TWF1: variants seen among roughly 807,000 people sequenced by gnomAD.
TWF1 encodes the protein twinfilin actin binding protein 1.
In TWF1, 14 loss-of-function variants were observed where a neutral mutation model predicts 47.9. That is an observed-to-expected ratio of 0.29 (90% CI 0.19 to 0.46). TWF1 has a LOEUF of 0.46. Ranked by LOEUF, TWF1 falls within the 20% of genes least tolerant of loss-of-function variation. The probability of loss-of-function intolerance (pLI) is 1.00; values close to 1 mark genes in which losing one functional copy is unlikely to be tolerated. For synonymous variants in TWF1, 96 were observed against 139.2 expected (o/e 0.69, Z 2.18); for missense variants, 281 against 409.3 (o/e 0.69, Z 2.70).
At chr12:43,805,308 C>CAA (rs1364668422) in intron 1 of TWF1, among the ~76,000 whole-genome samples, 1 of 151,638 alleles carries the variant, frequency 6.6e-6, no homozygotes. Flanking sequence ...ATAAATAAAA[C>CAA]AAAGTTTTCA....
At chr12:43,804,688 T>C in intron 1 of TWF1, 116 bp from the exon 2 acceptor site, 1 of 591,752 alleles carries the variant, frequency 1.7e-6, no homozygotes, top group East Asian at 3.2e-5. Context: ...GTAGCATCCT[T>C]ATTATCAGTA....
At position 43,797,287 on chromosome 12, in the gene TWF1, C is replaced by G; in HGVS notation, c.760+15G>C. On this transcript the variant is annotated intron_variant, in intron 7 of 8. Coordinates refer to ENST00000395510, the MANE Select transcript of TWF1 (RefSeq NM_002822.5). ...CAAACTGAAAGTAATGTGTTAAAAA[C>G]AATGTATCATATACCTATGGACTCT... The G allele has an allele frequency of 6.4e-7, 1 of 1,566,056 alleles. No individual in the cohort carries two copies. Among genetic ancestry groups the G allele is most frequent in the South Asian group, 1.2e-5 (1 of 82,540 alleles).
At chr12:43,796,906 C>T (rs1006487581) in intron 8 of TWF1, 70 bp downstream of exon 8, 47 of 1,428,406 alleles carry the variant, frequency 3.3e-5, no homozygotes, top group East Asian at 4.6e-5. Flanking sequence ...AATCACAGTA[C>T]ATCATAAACT....
chr12:43,800,883 T>C (rs1942648621), intron 3 of TWF1, among the ~76,000 whole-genome samples: 1 of 152,096 alleles, frequency 6.6e-6, no homozygotes, highest in Non-Finnish European at 1.5e-5. Context: ...CCCGAGTAGC[T>C]GGGATTATAG....
At chr12:43,802,145 G>A (rs1187412094) in intron 3 of TWF1, 141 bp downstream of exon 3, 7 of 503,446 alleles carry the variant, frequency 1.4e-5, no homozygotes, top group South Asian at 5.1e-5. Flanking sequence ...CTGATTCTCC[G>A]TTATCAATCC....
At position 43,802,465 on chromosome 12, in the gene TWF1, C is replaced by G. The variant is rs1260023921; in HGVS notation, c.104-1G>C. Reference sequence around the variant, plus strand: ...CTATATGATCCAATCACAAGTTGCTCTATGAAAAATTATTTTTAGAAAGAT... The same window carrying G: ...CTATATGATCCAATCACAAGTTGCTGTATGAAAAATTATTTTTAGAAAGAT... On this transcript the variant is annotated splice_acceptor_variant, in intron 2 of 8. Transcript: ENST00000395510. LOFTEE classifies it high-confidence loss of function. 6.3e-7 allele frequency: 1 copy of G among 1,599,218 alleles called. No individual in the cohort carries two copies. The highest frequency in any genetic ancestry group is 1.8e-5 in the Admixed American group (1 of 56,444).
At chr12:43,796,644 A>G (rs557650305) in intron 8 of TWF1, among the ~76,000 whole-genome samples, 1 of 152,240 alleles carries the variant, frequency 6.6e-6, no homozygotes, top group East Asian at 1.9e-4. Flanking sequence ...ACTGATGGAA[A>G]TGTCCTATAA....
chr12:43,795,653 G>A lies in TWF1; in HGVS notation c.985C>T (p.Pro329Ser), dbSNP rs1413203861. Residue 329 changes from proline to serine, a missense_variant, in exon 9 of 9, where the codon CCT (proline) becomes TCT (serine). Transcript: ENST00000395510. ...HKQSFAKPKGPAGKRGIRRLI... is the reference protein window; with the variant it reads ...HKQSFAKPKGSAGKRGIRRLI... ...CTTCGAATTCCTCTTTTTCCTGCAG[G>A]ACCTTTTGGTTTTGCAAAACTTTGC... 6.8e-6 allele frequency: 11 copies of A among 1,613,142 alleles called. No individual in the cohort carries two copies. The highest frequency in any genetic ancestry group is 8.5e-6 in the Non-Finnish European group (10 of 1,179,866).
At chr12:43,800,746 A>G (rs1467841324) in intron 3 of TWF1, among the ~76,000 whole-genome samples, 1 of 152,086 alleles carries the variant, frequency 6.6e-6, no homozygotes, top group Non-Finnish European at 1.5e-5. Flanking sequence ...TTCAATTTAC[A>G]ATGTCACTTT....
intron 3 of TWF1, 71 bp downstream of exon 3, chr12:43,802,215 A>G (rs1565701433): frequency 9.5e-7 from 1 of 1,054,178 alleles, no homozygotes; most frequent in Non-Finnish European, 1.3e-6. Context: ...TTTAACCTTT[A>G]TTTGACCTAG....
intron 5 of TWF1, 29 bp from the exon 6 acceptor site, chr12:43,797,862 T>C (rs1417333239): frequency 6.2e-7 from 1 of 1,604,274 alleles, no homozygotes; most frequent in East Asian, 2.2e-5. Context: ...ATTTACAAGT[T>C]TAGCAGTTAG....
At position 43,794,174 on chromosome 12, in the gene TWF1, T is replaced by C. The variant is rs963986902; in HGVS notation, c.*1411A>G. The C allele has an allele frequency of 2.0e-5, 3 of 152,628 alleles. No homozygotes were observed. The highest frequency in any genetic ancestry group is 7.2e-5 in the African/African-American group (3 of 41,454). The allele number at this position is 152,628 out of a possible 1,614,324, so 9.5% of individuals were successfully genotyped here. A position where few individuals can be genotyped will look rare whatever the true frequency, so the allele number is the denominator to read the frequency against. On this transcript the variant is annotated 3_prime_UTR_variant, in exon 9 of 9. Coordinates refer to ENST00000395510, the MANE Select transcript of TWF1 (RefSeq NM_002822.5). Reference sequence around the variant, plus strand: ...GTGTGTCTGTCTACGTGTACACCCATGGAACAACTTATATCTTTAGTAAAC... The same window carrying C: ...GTGTGTCTGTCTACGTGTACACCCACGGAACAACTTATATCTTTAGTAAAC...
chr12:43,805,178 T>A (rs1010811151), intron 1 of TWF1, among the ~76,000 whole-genome samples: 5 of 152,262 alleles, frequency 3.3e-5, no homozygotes, highest in African/African-American at 9.6e-5. Context: ...AATTTCGTTC[T>A]AATTTCGTTC....
intron 2 of TWF1, among the ~76,000 whole-genome samples, chr12:43,803,983 T>C (rs1300461881): frequency 6.6e-6 from 1 of 152,160 alleles, no homozygotes; most frequent in Non-Finnish European, 1.5e-5. Flanking sequence ...TTTACAGAAT[T>C]ATTTTTAAAG....
intron 2 of TWF1, among the ~76,000 whole-genome samples, chr12:43,803,413 G>A (rs1942698573): frequency 1.3e-5 from 2 of 152,092 alleles, no homozygotes; most frequent in African/African-American, 2.4e-5. Context: ...TTTCTAAAAT[G>A]CTTGAAGTAA....
Position 43,806,219 on chromosome 12 carries a change from A to G in TWF1, c.25+2T>C, listed in dbSNP as rs1431424803. ...CCTGCGAGTCGCGCCGGGCGCTGTTACCTTGGATGCCGGTCTGGTGGGACA... is the reference window on the plus strand; with the variant it reads ...CCTGCGAGTCGCGCCGGGCGCTGTTGCCTTGGATGCCGGTCTGGTGGGACA... On this transcript the variant is annotated splice_donor_variant, in intron 1 of 8. Coordinates refer to ENST00000395510, the MANE Select transcript of TWF1 (RefSeq NM_002822.5). LOFTEE classifies it high-confidence loss of function. 6.5e-7 allele frequency: 1 copy of G among 1,540,196 alleles called. No homozygotes were observed.
chr12:43,795,780 CA>C, intron 8 of TWF1, 25 bp from the exon 9 acceptor site: 1 of 1,609,822 alleles, frequency 6.2e-7, no homozygotes. Context: ...ATTAGAAGCA[CA>C]ACATTCAAAA....
Position 43,793,981 on chromosome 12 carries a change from T to G in TWF1, c.*1604A>C, listed in dbSNP as rs2138121171. On this transcript the variant is annotated 3_prime_UTR_variant, in exon 9 of 9. Coordinates refer to ENST00000395510, the MANE Select transcript of TWF1 (RefSeq NM_002822.5). ...TCTATATTCTGGAATGTCCATTTAC[T>G]TTAATGTAGTGTAGTGGAATTTAGA... 1 of 152,796 alleles carries G rather than the reference T, an allele frequency of 6.5e-6. No individual in the cohort carries two copies. The highest frequency in any genetic ancestry group is 2.4e-5 in the African/African-American group (1 of 41,582). The allele number at this position is 152,796 out of a possible 1,614,324, so 9.5% of individuals were successfully genotyped here.
rs1329149229 is a variant in TWF1 at position 43,794,943 on chromosome 12, A to G, written c.*642T>C. ...TACTAAGGCTGTTTAAAGTCTTTCA[A>G]TGTCATCAGAAATCCTGCAGTATAG... On this transcript the variant is annotated 3_prime_UTR_variant, in exon 9 of 9. Coordinates refer to ENST00000395510, the MANE Select transcript of TWF1 (RefSeq NM_002822.5). 3 of 152,234 alleles carry G rather than the reference A, an allele frequency of 2.0e-5. No homozygotes were observed. Among genetic ancestry groups the G allele is most frequent in the Non-Finnish European group, 2.9e-5 (2 of 68,036 alleles). 9.4% of individuals were successfully genotyped at this position (152,234 alleles called of 1,614,324 possible).
Sources: gnomAD v4.1 joint callset for allele counts (sites outside exome capture counted in the v4.1 genomes callset) on GRCh38, gnomAD v4.1.1 for gene constraint, MANE v1.5 for transcripts, NCBI Gene and HGNC (gene_info 2026-07-23, HGNC 2026-07-21) for gene names.